Variants in COL5A1 observed in about 807,000 individuals in gnomAD.
COL5A1 encodes the protein collagen type V alpha 1 chain.
A neutral mutation model predicts 263.7 loss-of-function variants in COL5A1; 16 were observed. The observed-to-expected ratio is 0.06, with a 90% CI of 0.04 to 0.09. The LOEUF is 0.09. COL5A1 is among the 10% of genes least tolerant of loss of function. COL5A1 has a pLI of 1.00. For missense variants in COL5A1, 2,036 were observed against 2,540.5 expected (o/e 0.80, Z 4.27); for synonymous variants, 1,012 against 1,004.5 (o/e 1.01, Z -0.14).
At chr9:134,795,194 G>A in intron 33 of COL5A1, 68 bp downstream of exon 33, 1 of 1,612,954 alleles carries the variant, frequency 6.2e-7, no homozygotes, top group Non-Finnish European at 8.5e-7. Flanking sequence ...CACGTGCCAG[G>A]GGCTGGGGGA....
intron 1 of COL5A1, among the ~76,000 whole-genome samples, chr9:134,670,593 C>T (rs1347286136): frequency 6.6e-6 from 1 of 152,126 alleles, no homozygotes; most frequent in African/African-American, 2.4e-5. Flanking sequence ...TTAGGCAAGC[C>T]CCCGGGTCGT....
intron 37 of COL5A1, among the ~76,000 whole-genome samples, chr9:134,799,035 T>C (rs1202739331): frequency 6.6e-6 from 1 of 152,190 alleles, no homozygotes; most frequent in African/African-American, 2.4e-5. Context: ...TGTCCCTTTT[T>C]ACACTAAAGA....
At chr9:134,730,908 G>A (rs1834855886) in intron 7 of COL5A1, among the ~76,000 whole-genome samples, 2 of 152,222 alleles carry the variant, frequency 1.3e-5, no homozygotes, top group East Asian at 3.9e-4. Context: ...GGGCCGCCCT[G>A]GCTGGGACGG....
At chr9:134,689,505 G>A (rs1443841737) in intron 1 of COL5A1, among the ~76,000 whole-genome samples, 2 of 152,052 alleles carry the variant, frequency 1.3e-5, no homozygotes, top group Non-Finnish European at 2.9e-5. Context: ...GCTTGATCCA[G>A]CTACTCAAAC....
At chr9:134,735,336 T>A (rs866985201) in intron 9 of COL5A1, among the ~76,000 whole-genome samples, 1 of 152,226 alleles carries the variant, frequency 6.6e-6, no homozygotes, top group Non-Finnish European at 1.5e-5. Flanking sequence ...CCTCTTTTTC[T>A]TCTTTATGGT....
chr9:134,831,864 C>T (rs764544062), intron 64 of COL5A1, among the ~76,000 whole-genome samples: 11 of 152,150 alleles, frequency 7.2e-5, no homozygotes, highest in Non-Finnish European at 1.3e-4. Flanking sequence ...GGTGAAGGGA[C>T]GACCCAGGGA....
chr9:134,838,171 A>G (rs1839909280), intron 65 of COL5A1, among the ~76,000 whole-genome samples: 1 of 152,158 alleles, frequency 6.6e-6, no homozygotes, highest in Non-Finnish European at 1.5e-5. Context: ...TCTGACATCA[A>G]GGCCCGACGG....
chr9:134,813,744 CACAG>C (rs1045561664), intron 48 of COL5A1, among the ~76,000 whole-genome samples: 4 of 152,242 alleles, frequency 2.6e-5, no homozygotes, highest in East Asian at 1.9e-4. Flanking sequence ...GGAAAGCCTT[CACAG>C]ACAGTGTTGC....
Position 134,647,970 on chromosome 9 carries a change from T to C in COL5A1, c.109+5674T>C, listed in dbSNP as rs1831532026. On this transcript the variant is annotated intron_variant, in intron 1 of 65. Coordinates refer to ENST00000371817, the MANE Select transcript of COL5A1 (RefSeq NM_000093.5). This position sits in a 1 kb window ranked among gnomAD's most constrained non-coding sequence, Gnocchi z 5.0. ...GAAGGATACAAGTATTAATCCTGCG[T>C]GTGTCTATGAGAGTGTTGCCAAAGG... Among the ~76,000 whole-genome samples, 1 of 152,146 alleles carries C rather than the reference T, an allele frequency of 6.6e-6. No homozygotes were observed. The highest frequency in any genetic ancestry group is 2.4e-5 in the African/African-American group (1 of 41,428).
Position 134,802,964 on chromosome 9 carries a change from T to C in COL5A1, c.3083T>C (p.Leu1028Pro). The C allele has an allele frequency of 6.2e-7, 1 of 1,609,176 alleles. No individual in the cohort carries two copies. The highest frequency in any genetic ancestry group is 8.5e-7 in the Non-Finnish European group (1 of 1,178,392). Residue 1028 changes from leucine to proline, a missense_variant, in exon 39 of 66, where the codon CTT (leucine) becomes CCT (proline). Leu to Pro is a moderately conservative substitution (Grantham distance 98, BLOSUM62 -3). Around this residue, in one of 3 missense-constraint regions of COL5A1, gnomAD observed 1,078 missense variants for 1,521.4 expected, o/e 0.71. Transcript: ENST00000371817. ...GPPGPPGEQG[L>P]PGLAGKEGTK... ...CCTGGACCCCCCGGTGAACAGGGGCTTCCGGGCCTTGCTGGAAAAGAAGGG... is the reference window on the plus strand; with the variant it reads ...CCTGGACCCCCCGGTGAACAGGGGCCTCCGGGCCTTGCTGGAAAAGAAGGG...
chr9:134,774,938 G>T lies in COL5A1; in HGVS notation c.2385+26G>T. On this transcript the variant is annotated intron_variant, in intron 27 of 65. Coordinates refer to ENST00000371817, the MANE Select transcript of COL5A1 (RefSeq NM_000093.5). ...GTGAGAGAGACTCACGCCACTCCAG[G>T]TCGTCCTGGAGGTCAGGGTTGGGAC... The T allele has an allele frequency of 1.9e-6, 3 of 1,610,126 alleles. No individual in the cohort carries two copies. In the South Asian group the frequency reaches 3.3e-5, roughly 18 times the overall value.
intron 36 of COL5A1, among the ~76,000 whole-genome samples, chr9:134,798,072 A>G (rs1837978402): frequency 6.6e-6 from 1 of 152,172 alleles, no homozygotes; most frequent in South Asian, 2.1e-4. Context: ...TTGCAACTGG[A>G]CAGACTTGGG....
chr9:134,731,249 C>G (rs922640162), intron 7 of COL5A1, among the ~76,000 whole-genome samples: 2 of 152,168 alleles, frequency 1.3e-5, no homozygotes, highest in African/African-American at 4.8e-5. Context: ...TGAGCGGGTG[C>G]ACGGGTGTGC....
At chr9:134,774,580 C>T (rs998327049) in intron 26 of COL5A1, among the ~76,000 whole-genome samples, 7 of 152,216 alleles carry the variant, frequency 4.6e-5, no homozygotes, top group African/African-American at 1.7e-4. Flanking sequence ...CTCACTGTTC[C>T]CCCAGCCTAT....
rs958368039 is a variant in COL5A1 at position 134,803,973 on chromosome 9, C to T, written c.3114+978C>T. On this transcript the variant is annotated intron_variant, in intron 39 of 65. Transcript: ENST00000371817. ...CCCTTTTCATATCTCCTCCCCTGGG[C>T]GCCCCAGGTTCACTGGCCATAACTT... Among the ~76,000 whole-genome samples the T allele has an allele frequency of 3.3e-5, 5 of 152,190 alleles. No individual in the cohort carries two copies. In the East Asian group the frequency reaches 5.8e-4, roughly 18 times the overall value.
chr9:134,666,478 AG>A (rs1162007856), intron 1 of COL5A1, among the ~76,000 whole-genome samples: 1 of 152,226 alleles, frequency 6.6e-6, no homozygotes, highest in Non-Finnish European at 1.5e-5. Context: ...CTTGGGTGTC[AG>A]TGGGCATGAG....
intron 9 of COL5A1, among the ~76,000 whole-genome samples, chr9:134,736,112 C>T (rs1471217602): frequency 6.6e-6 from 1 of 151,380 alleles, no homozygotes; most frequent in Non-Finnish European, 1.5e-5. Context: ...AGTCCCCTCA[C>T]CAGCCTGGTA....
chr9:134,814,393 G>A (rs1332832552), intron 49 of COL5A1, among the ~76,000 whole-genome samples: 3 of 152,200 alleles, frequency 2.0e-5, no homozygotes, highest in Non-Finnish European at 4.4e-5. Flanking sequence ...TGTTCACTAT[G>A]AGGCCAGCCC....
At position 134,768,252 on chromosome 9, in the gene COL5A1, G is replaced by T. The variant is rs539121689; in HGVS notation, c.2233-158G>T. 3.9e-4 allele frequency among the ~76,000 whole-genome samples: 60 copies of T among 152,344 alleles called. 1 individual carries two copies. The South Asian group carries it at 0.012, about 30-fold the overall frequency. On this transcript the variant is annotated intron_variant, in intron 24 of 65. Transcript: ENST00000371817. The stretch of plus-strand genomic sequence containing the variant: ...GCCGCCTCCTCCTGGGCGCTACCGT[G>T]GCTGCACGCCTCACAGCCAGGGACC...
Sources: gnomAD v4.1 joint callset for allele counts (sites outside exome capture counted in the v4.1 genomes callset) on GRCh38, gnomAD v4.1.1 for gene constraint, gnomAD v4.1.1 regional missense constraint, Gnocchi (gnomAD v3.1) non-coding constraint, MANE v1.5 for transcripts, NCBI Gene and HGNC (gene_info 2026-07-23, HGNC 2026-07-21) for gene names.